The following GHR variants were observed in gnomAD, a reference collection of about 807,000 sequenced individuals.
GHR encodes growth hormone receptor, also known as GH receptor.
GHR carries 35 observed loss-of-function variants against 67.1 expected under a neutral mutation model. The ratio of observed to expected loss-of-function variants is 0.52; its 90% CI spans 0.40 to 0.69. GHR has a LOEUF of 0.69. Ranked by LOEUF, GHR falls within the 30% of genes least tolerant of loss-of-function variation. The pLI is 0.00. For synonymous variants in GHR, 272 were observed against 269.1 expected (o/e 1.01, Z -0.10); for missense variants, 792 against 764.6 (o/e 1.04, Z -0.42).
chr5:42,582,645 C>T (rs1463855673), intron 2 of GHR, among the ~76,000 whole-genome samples: 1 of 152,204 alleles, frequency 6.6e-6, no homozygotes, highest in African/African-American at 2.4e-5. Flanking sequence ...CCTTCCCTGC[C>T]CACCACATTG....
At chr5:42,652,936 G>A (rs1755080070) in intron 3 of GHR, among the ~76,000 whole-genome samples, 1 of 152,006 alleles carries the variant, frequency 6.6e-6, no homozygotes, top group Non-Finnish European at 1.5e-5. Flanking sequence ...CTAGAATAAT[G>A]AGAAGCAGTG....
chr5:42,668,002 G>A (rs527446320), intron 3 of GHR, among the ~76,000 whole-genome samples: 3 of 151,012 alleles, frequency 2.0e-5, no homozygotes, highest in Admixed American at 1.3e-4. Context: ...GCTTATGTAC[G>A]TGAGTTATTT....
rs1758921553 is a variant in GHR at position 42,719,607 on chromosome 5, T to A, written c.*183T>A. The stretch of plus-strand genomic sequence containing the variant: ...TTAAAAAAATAAGAAGAATGCTTAA[T>A]CAGATAGATATTCCTATTGTGCAAT... On this transcript the variant is annotated 3_prime_UTR_variant, in exon 10 of 10. Coordinates refer to ENST00000230882, the MANE Select transcript of GHR (RefSeq NM_000163.5). 1.5e-6 allele frequency: 1 copy of A among 649,426 alleles called. No individual in the cohort carries two copies. The highest frequency in any genetic ancestry group is 2.8e-6 in the Non-Finnish European group (1 of 359,736). The allele number at this position is 649,426 out of a possible 1,614,324, so 40.2% of individuals were successfully genotyped here. A position where few individuals can be genotyped will look rare whatever the true frequency, so the allele number is the denominator to read the frequency against.
intron 3 of GHR, among the ~76,000 whole-genome samples, chr5:42,644,983 C>T (rs1754659596): frequency 1.3e-5 from 2 of 152,008 alleles, no homozygotes; most frequent in African/African-American, 4.8e-5. Flanking sequence ...ATATGGAATC[C>T]TACCATTCCT....
intron 2 of GHR, among the ~76,000 whole-genome samples, chr5:42,622,111 C>T (rs1171698454): frequency 6.6e-6 from 1 of 152,166 alleles, no homozygotes; most frequent in African/African-American, 2.4e-5. Context: ...GGATTGCTGC[C>T]TGAGGACCCA....
intron 1 of GHR, among the ~76,000 whole-genome samples, chr5:42,564,846 G>C (rs1430331773): frequency 6.6e-6 from 1 of 152,130 alleles, no homozygotes; most frequent in Non-Finnish European, 1.5e-5. Context: ...ATAAGTCTCT[G>C]AGTAACTTGT....
chr5:42,424,664 C>T lies in GHR; in HGVS notation c.-12+709C>T, dbSNP rs986481893. ...GACACACTAGTGGTTGTAAAATCAA[C>T]CAGGCTTAAAGTTTTGACAGAACTG... On this transcript the variant is annotated intron_variant, in intron 1 of 9. Transcript: ENST00000230882. This position sits in a 1 kb window ranked among gnomAD's most constrained non-coding sequence, Gnocchi z 4.1. 4 of 1,427,486 alleles carry T rather than the reference C, an allele frequency of 2.8e-6. No individual in the cohort carries two copies. The South Asian group carries it at 4.9e-5, about 17-fold the overall frequency. 88.4% of individuals were successfully genotyped at this position (1,427,486 alleles called of 1,614,324 possible). A position where few individuals can be genotyped will look rare whatever the true frequency, so the allele number is the denominator to read the frequency against.
At chr5:42,552,309 A>G (rs1749076241) in intron 1 of GHR, among the ~76,000 whole-genome samples, 2 of 152,196 alleles carry the variant, frequency 1.3e-5, no homozygotes, top group East Asian at 1.9e-4. Context: ...TTTTTCCTCC[A>G]TAAATACATG....
rs373864077 is a variant in GHR, at chr5:42,571,851, G to A, written c.70+5907G>A. On this transcript the variant is annotated intron_variant, in intron 2 of 9. Coordinates refer to ENST00000230882, the MANE Select transcript of GHR (RefSeq NM_000163.5). ...CTCTTGTTATGGGGTAGACAGGAATGAGGTTGACATAACGTATTTGGTGTT... is the reference window on the plus strand; with the variant it reads ...CTCTTGTTATGGGGTAGACAGGAATAAGGTTGACATAACGTATTTGGTGTT... Among the ~76,000 whole-genome samples, 112 of 152,290 alleles carry A rather than the reference G, an allele frequency of 7.4e-4. No homozygotes were observed. In the South Asian group the frequency reaches 0.022, roughly 29 times the overall value.
intron 2 of GHR, among the ~76,000 whole-genome samples, chr5:42,600,982 G>A (rs551222478): frequency 6.7e-5 from 9 of 133,718 alleles, no homozygotes; most frequent in South Asian, 2.4e-4. Flanking sequence ...GCTGGAGTGC[G>A]ATGGTGCAAT....
intron 3 of GHR, 66 bp from the exon 4 acceptor site, chr5:42,688,824 G>A (rs1227867075): frequency 7.8e-6 from 11 of 1,417,396 alleles, no homozygotes; most frequent in East Asian, 4.6e-5. Flanking sequence ...CTTTAGATAC[G>A]TGTCTCATTA....
intron 1 of GHR, among the ~76,000 whole-genome samples, chr5:42,493,162 A>T (rs73751203): frequency 2.6e-5 from 4 of 152,282 alleles, no homozygotes; most frequent in African/African-American, 9.6e-5. Flanking sequence ...GTGATTCTGT[A>T]GGCAGAAAAC....
chr5:42,446,061 A>C (rs1467583029), intron 1 of GHR, among the ~76,000 whole-genome samples: 1 of 152,198 alleles, frequency 6.6e-6, no homozygotes, highest in Non-Finnish European at 1.5e-5. Flanking sequence ...GGGCAAAAGC[A>C]GCAGTTATTT....
intron 3 of GHR, among the ~76,000 whole-genome samples, chr5:42,667,157 G>A (rs935677845): frequency 2.0e-5 from 3 of 152,132 alleles, no homozygotes; most frequent in South Asian, 2.1e-4. Context: ...TAACACAGCC[G>A]TGAGCATGTT....
chr5:42,497,946 C>T (rs749838267), intron 1 of GHR, among the ~76,000 whole-genome samples: 2 of 152,012 alleles, frequency 1.3e-5, no homozygotes, highest in Non-Finnish European at 2.9e-5. Context: ...TGAAGTCATA[C>T]AATCAATGGA....
intron 1 of GHR, among the ~76,000 whole-genome samples, chr5:42,490,392 G>T (rs547861152): frequency 2.6e-5 from 4 of 152,146 alleles, no homozygotes; most frequent in South Asian, 2.1e-4. Flanking sequence ...CTGTACAATC[G>T]AATCCACCTG....
At chr5:42,529,238 C>T (rs1178055105) in intron 1 of GHR, among the ~76,000 whole-genome samples, 1 of 152,102 alleles carries the variant, frequency 6.6e-6, no homozygotes, top group Non-Finnish European at 1.5e-5. Context: ...GTCTTCATCT[C>T]CTGACCACGT....
chr5:42,705,601 C>T (rs952524007), intron 6 of GHR, among the ~76,000 whole-genome samples: 13 of 151,932 alleles, frequency 8.6e-5, no homozygotes, highest in Admixed American at 3.3e-4. Flanking sequence ...TTTCAGTCTT[C>T]GTGTCCATGT....
chr5:42,707,843 G>A (rs182726689), intron 6 of GHR, among the ~76,000 whole-genome samples: 23 of 151,862 alleles, frequency 1.5e-4, no homozygotes, highest in Non-Finnish European at 2.9e-5. Flanking sequence ...TTTTTATATT[G>A]CATATTTCTT....
Sources: gnomAD v4.1 joint callset for allele counts (sites outside exome capture counted in the v4.1 genomes callset) on GRCh38, gnomAD v4.1.1 for gene constraint, Gnocchi (gnomAD v3.1) non-coding constraint, MANE v1.5 for transcripts, NCBI Gene and HGNC (gene_info 2026-07-23, HGNC 2026-07-21) for gene names.